NBAS: variants seen among roughly 807,000 people sequenced by gnomAD.
NBAS encodes the protein NAG/BC035112 fusion.
A neutral mutation model predicts 302.5 loss-of-function variants in NBAS; 219 were observed. The ratio of observed to expected loss-of-function variants is 0.72; its 90% CI spans 0.65 to 0.81. The LOEUF is 0.81. Ranked by LOEUF, NBAS falls within the 30% of genes least tolerant of loss-of-function variation. The pLI, the probability that NBAS is intolerant of heterozygous loss-of-function variation, is 0.00. For synonymous variants in NBAS, 1,118 were observed against 1,021.6 expected (o/e 1.09, Z -1.80); for missense variants, 2,932 against 2,841.6 (o/e 1.03, Z -0.72).
At chr2:15,505,418 A>G (rs1449081577) in intron 10 of NBAS, among the ~76,000 whole-genome samples, 1 of 152,132 alleles carries the variant, frequency 6.6e-6, no homozygotes, top group African/African-American at 2.4e-5. Context: ...CCAAACACAG[A>G]GCTTCTGAGG....
chr2:15,475,191 T>C (rs950042295), intron 14 of NBAS, among the ~76,000 whole-genome samples: 3 of 152,230 alleles, frequency 2.0e-5, no homozygotes, highest in African/African-American at 7.2e-5. Context: ...CAATCTGCAT[T>C]GCTGAAGTGA....
At chr2:14,872,883 T>G in the NBAS span, among the ~76,000 whole-genome samples, 8 of 152,146 alleles carry the variant, frequency 5.3e-5, no homozygotes, top group Admixed American at 1.3e-4. Flanking sequence ...AGTTGTTTGT[T>G]CCTCCCGGTG....
chr2:15,417,536 C>G lies in NBAS; in HGVS notation c.2754G>C (p.Leu918=). 6.2e-7 allele frequency: 1 copy of G among 1,612,160 alleles called. No homozygotes were observed. The highest frequency in any genetic ancestry group is 2.2e-5 in the East Asian group (1 of 44,818). The change falls in exon 24 of 52, where the codon CTG becomes CTC. Residue 918 remains leucine (L), a synonymous_variant. Transcript: ENST00000281513. Reference sequence around the variant, plus strand: ...TTAAAATAAAACCTACACTATTCATCAGTAATCTTAGTTTTTCAATGTCTT... The same window carrying G: ...TTAAAATAAAACCTACACTATTCATGAGTAATCTTAGTTTTTCAATGTCTT... The part of the protein sequence containing the change: ...QMKDIEKLRL[L]MNSCSEDKYV...
chr2:14,908,139 G>A, the NBAS span, among the ~76,000 whole-genome samples: 9 of 152,162 alleles, frequency 5.9e-5, no homozygotes, highest in Non-Finnish European at 1.0e-4. Flanking sequence ...CGAGGCAGGC[G>A]GATCACAAGG....
At chr2:14,861,055 T>C in the NBAS span, among the ~76,000 whole-genome samples, 1 of 152,232 alleles carries the variant, frequency 6.6e-6, no homozygotes, top group Non-Finnish European at 1.5e-5. Context: ...GTATAATACC[T>C]CTTTATTACA....
At chr2:15,364,383 T>A (rs897432624) in intron 32 of NBAS, among the ~76,000 whole-genome samples, 3 of 151,862 alleles carry the variant, frequency 2.0e-5, no homozygotes, top group Admixed American at 1.3e-4. Context: ...AATACAAAAT[T>A]AGCTGGGTGT....
At chr2:14,990,650 G>A in the NBAS span, among the ~76,000 whole-genome samples, 4 of 152,080 alleles carry the variant, frequency 2.6e-5, no homozygotes, top group African/African-American at 9.7e-5. Context: ...TGTATTTTTA[G>A]AGACAGGGCC....
chr2:14,877,318 C>A, the NBAS span, among the ~76,000 whole-genome samples: 1 of 152,138 alleles, frequency 6.6e-6, no homozygotes, highest in African/African-American at 2.4e-5. Context: ...TCTTTACATT[C>A]CACCCCCCTT....
chr2:14,879,065 C>T, the NBAS span, among the ~76,000 whole-genome samples: 2 of 152,128 alleles, frequency 1.3e-5, no homozygotes, highest in Admixed American at 1.3e-4. Flanking sequence ...ACTATGTAGA[C>T]TTTTTAGATT....
At chr2:14,927,567 G>A in the NBAS span, among the ~76,000 whole-genome samples, 2 of 152,106 alleles carry the variant, frequency 1.3e-5, no homozygotes, top group African/African-American at 4.8e-5. Flanking sequence ...GTTCTTTTGG[G>A]TGTCTACCTA....
chr2:15,037,693 AT>A, the NBAS span, among the ~76,000 whole-genome samples: 1 of 152,202 alleles, frequency 6.6e-6, no homozygotes, highest in Non-Finnish European at 1.5e-5. Flanking sequence ...AGCCTTTTTT[AT>A]TTTTAATTAT....
At chr2:15,382,319 T>C (rs993620984) in intron 29 of NBAS, among the ~76,000 whole-genome samples, 1 of 152,220 alleles carries the variant, frequency 6.6e-6, no homozygotes, top group African/African-American at 2.4e-5. Flanking sequence ...GTATCCTTTA[T>C]ATTCCATATG....
chr2:15,285,540 C>T lies in NBAS; in HGVS notation c.5138+1533G>A, dbSNP rs147275480. Among the ~76,000 whole-genome samples the T allele has an allele frequency of 2.8e-3, 421 of 152,290 alleles. 1 individual carries two copies. The highest frequency in any genetic ancestry group is 0.017 in the Middle Eastern group (5 of 294). Reference sequence around the variant, plus strand: ...TTTCTCATCTATGTGCGTATGACTCCCAAGTTAGTATTTCCAGCTCCATTT... The same window carrying T: ...TTTCTCATCTATGTGCGTATGACTCTCAAGTTAGTATTTCCAGCTCCATTT... On this transcript the variant is annotated intron_variant, in intron 42 of 51. Transcript: ENST00000281513.
chr2:15,386,114 C>T (rs1032371438), intron 28 of NBAS, among the ~76,000 whole-genome samples: 5 of 152,170 alleles, frequency 3.3e-5, no homozygotes, highest in Admixed American at 3.3e-4. Flanking sequence ...GGCTATAACA[C>T]TTGCACTGGA....
chr2:15,413,446 A>G lies in NBAS; in HGVS notation c.2937+2100T>C, dbSNP rs114225200. Among the ~76,000 whole-genome samples, 1,028 of 152,358 alleles carry G rather than the reference A, an allele frequency of 6.7e-3. 12 individuals are homozygous for G. Among genetic ancestry groups the G allele is most frequent in the African/African-American group, 0.022 (927 of 41,580 alleles). ...AAGAGCTATAATAGAGACAGAGTAC[A>G]AAGACAGAGAAGTCACAGAAGGTTT... On this transcript the variant is annotated intron_variant, in intron 25 of 51. Transcript: ENST00000281513.
chr2:14,816,674 G>A, the NBAS span, among the ~76,000 whole-genome samples: 53 of 152,290 alleles, frequency 3.5e-4, no homozygotes, highest in African/African-American at 1.3e-3. Context: ...TCAGTCTTAG[G>A]AGCATAAGCC....
intron 25 of NBAS, among the ~76,000 whole-genome samples, chr2:15,408,215 T>G (rs1346111521): frequency 6.6e-6 from 1 of 152,208 alleles, no homozygotes; most frequent in African/African-American, 2.4e-5. Flanking sequence ...TGTGCTATAC[T>G]TCAGAATAAA....
the NBAS span, among the ~76,000 whole-genome samples, chr2:15,044,754 A>C: frequency 2.6e-5 from 4 of 152,222 alleles, no homozygotes; most frequent in African/African-American, 9.6e-5. Context: ...TATTTTCTAA[A>C]TTGTAAACAA....
chr2:14,927,648 T>C, the NBAS span, among the ~76,000 whole-genome samples: 1 of 152,234 alleles, frequency 6.6e-6, no homozygotes, highest in Non-Finnish European at 1.5e-5. Context: ...CATTTTCCAG[T>C]GTCTGCACTG....
Sources: allele counts gnomAD v4.1 joint callset (sites outside exome capture counted in the v4.1 genomes callset), GRCh38; gene constraint gnomAD v4.1.1; transcripts MANE v1.5; gene names NCBI Gene and HGNC (gene_info 2026-07-23, HGNC 2026-07-21).